Variants in IFNA16 observed in about 807,000 individuals in gnomAD.
IFNA16 encodes interferon alpha-16.
For synonymous variants in IFNA16, 122 were observed against 83.3 expected, an observed-to-expected ratio of 1.46 and a Z score of -2.53; for missense variants, 332 against 213.5, an observed-to-expected ratio of 1.55 and a Z score of -3.46.
At position 21,217,027 on chromosome 9, in the gene IFNA16, T is replaced by C. The variant is rs1285198759; in HGVS notation, c.279A>G (p.Thr93=). ...CATCCCAAGCAGCAGATGAATCCTTTGTGCTGAAGAGATTGAAGGTCTGCT... is the reference window on the plus strand; with the variant it reads ...CATCCCAAGCAGCAGATGAATCCTTCGTGCTGAAGAGATTGAAGGTCTGCT... The part of the protein sequence containing the change: ...MIQQTFNLFS[T]KDSSAAWDET... Residue 93 remains threonine, a synonymous_variant, in exon 1 of 1, where the codon ACA becomes ACG. Transcript: ENST00000380216. 3.1e-6 allele frequency: 5 copies of C among 1,613,890 alleles called. No individual in the cohort carries two copies. The highest frequency in any genetic ancestry group is 2.7e-5 in the African/African-American group (2 of 74,990).
Position 21,217,034 on chromosome 9 carries a change from A to G in IFNA16, c.272T>C (p.Phe91Ser). The G allele has an allele frequency of 6.2e-7, 1 of 1,613,824 alleles. No individual in the cohort carries two copies. Among genetic ancestry groups the G allele is most frequent in the South Asian group, 1.1e-5 (1 of 91,066 alleles). ...HEMIQQTFNL[F>S]STKDSSAAWD... The stretch of plus-strand genomic sequence containing the variant: ...AGCAGCAGATGAATCCTTTGTGCTG[A>G]AGAGATTGAAGGTCTGCTGGATCAT... Residue 91 changes from phenylalanine to serine, a missense_variant, in exon 1 of 1, where the codon TTC becomes TCC. By Grantham distance (155) the Phe-to-Ser change is radical (BLOSUM62 -2). Coordinates refer to ENST00000380216, the MANE Select transcript of IFNA16 (RefSeq NM_002173.3).
rs765566616 is a variant in IFNA16 at position 21,217,117 on chromosome 9, C to T, written c.189G>A (p.Gln63=). Residue 63 remains glutamine, a synonymous_variant, in exon 1 of 1, where the codon CAG becomes CAA. Coordinates refer to ENST00000380216, the MANE Select transcript of IFNA16 (RefSeq NM_002173.3). ...GGAACTGGTTGCCATCAAACACCTC[C>T]TGGGGGAATCCGAAATCATATCTGT... ...LKDRYDFGFP[Q]EVFDGNQFQK... 6 of 1,613,882 alleles carry T rather than the reference C, an allele frequency of 3.7e-6. No homozygotes were observed. The African/African-American group carries it at 5.3e-5, about 14-fold the overall frequency.
At position 21,217,266 on chromosome 9, in the gene IFNA16, G is replaced by C; in HGVS notation, c.40C>G (p.Leu14Val). ...SFSLLMAVLV[L>V]SYKSICSLGC... The stretch of plus-strand genomic sequence containing the variant: ...AGAGAACAGATGGATTTGTAGCTGA[G>C]CACCAGCACGGCCATCAGTAAAGAA... The change falls in exon 1 of 1, where the codon CTC becomes GTC. Residue 14 changes from leucine to valine, a missense_variant. Coordinates refer to ENST00000380216, the MANE Select transcript of IFNA16 (RefSeq NM_002173.3). The C allele has an allele frequency of 1.2e-6, 2 of 1,613,794 alleles. No individual in the cohort carries two copies. The highest frequency in any genetic ancestry group is 1.7e-6 in the Non-Finnish European group (2 of 1,179,862).
In IFNA16 at chr9:21,216,942, A is replaced by T; in HGVS notation, c.364T>A (p.Cys122Ser). 1 of 1,613,964 alleles carries T rather than the reference A, an allele frequency of 6.2e-7. No homozygotes were observed. The highest frequency in any genetic ancestry group is 8.5e-7 in the Non-Finnish European group (1 of 1,179,944). Residue 122 changes from cysteine to serine, a missense_variant, in exon 1 of 1, where the codon TGT becomes AGT. Transcript: ENST00000380216. ...LFQQLNDLEA[C>S]VTQEVGVEEI... ...TCCACCCCAACCTCCTGTGTCACAC[A>T]GGCTTCTAGGTCATTCAGTTGCTGG...
chr9:21,216,870 A>C lies in IFNA16; in HGVS notation c.436T>G (p.Tyr146Asp), dbSNP rs775275527. The C allele has an allele frequency of 9.3e-6, 15 of 1,613,838 alleles. No individual in the cohort carries two copies. Among genetic ancestry groups the C allele is most frequent in the Non-Finnish European group, 1.2e-5 (14 of 1,179,954 alleles). The change falls in exon 1 of 1, where the codon TAC becomes GAC. Residue 146 changes from tyrosine to aspartate, a missense_variant. Coordinates refer to ENST00000380216, the MANE Select transcript of IFNA16 (RefSeq NM_002173.3). ...AGATAAAGAGTGATTCTTTGAAAGT[A>C]TTTCCTCACAGCCAGGATGGAGTCC... ...NEDSILAVRKYFQRITLYLMG... is the reference protein window; with the variant it reads ...NEDSILAVRKDFQRITLYLMG...
In IFNA16 at chr9:21,216,622, A is replaced by G; in HGVS notation, c.*114T>C. 6 of 1,464,416 alleles carry G rather than the reference A, an allele frequency of 4.1e-6. No individual in the cohort carries two copies. Among genetic ancestry groups the G allele is most frequent in the Non-Finnish European group, 5.5e-6 (6 of 1,087,110 alleles). The allele number at this position is 1,464,416 out of a possible 1,614,324, so 90.7% of individuals were successfully genotyped here. On this transcript the variant is annotated 3_prime_UTR_variant, in exon 1 of 1. Coordinates refer to ENST00000380216, the MANE Select transcript of IFNA16 (RefSeq NM_002173.3). ...CTTTACACTCCTGAAAACATTTGAA[A>G]ATTTTGATTCAACTTGTGGTGGTTA...
rs555988465 is a variant in IFNA16, at chr9:21,216,762, G to T, written c.544C>A (p.Gln182Lys). The T allele has an allele frequency of 1.6e-4, 252 of 1,608,894 alleles. No homozygotes were observed. The highest frequency in any genetic ancestry group is 1.2e-3 in the Middle Eastern group (7 of 6,032). ...CAATCCTTCCTTCTTAATCCTTTTTGCAAGTTTGTTGAAAAAGAGAAGGAT... is the reference window on the plus strand; with the variant it reads ...CAATCCTTCCTTCTTAATCCTTTTTTCAAGTTTGTTGAAAAAGAGAAGGAT... ...MRSFSFSTNL[Q>K]KGLRRKD Residue 182 changes from glutamine (Q) to lysine (K), a missense_variant, in exon 1 of 1, where the codon CAA (glutamine) becomes AAA (lysine). By Grantham distance (53) the Gln-to-Lys change is moderately conservative. Coordinates refer to ENST00000380216, the MANE Select transcript of IFNA16 (RefSeq NM_002173.3).
At position 21,217,277 on chromosome 9, in the gene IFNA16, G is replaced by A. The variant is rs368468798; in HGVS notation, c.29C>T (p.Ala10Val). The A allele has an allele frequency of 1.1e-5, 17 of 1,613,110 alleles. No individual in the cohort carries two copies. The highest frequency in any genetic ancestry group is 2.2e-5 in the South Asian group (2 of 90,952). MALSFSLLM[A>V]VLVLSYKSIC... is the part of the protein sequence containing the mutation. ...GGATTTGTAGCTGAGCACCAGCACG[G>A]CCATCAGTAAAGAAAAGGACAGGGC... The change falls in exon 1 of 1, where the codon GCC (alanine) becomes GTC (valine). Residue 10 changes from alanine to valine, a missense_variant. Transcript: ENST00000380216.
At chr9:21,216,964 CT>C in the IFNA16 span, 1 of 1,613,888 alleles carries the variant, frequency 6.2e-7, no homozygotes, top group Non-Finnish European at 8.5e-7. Context: ...CATTCAGTTG[CT>C]GGAAAAGTTC....
In IFNA16 at chr9:21,216,639, T is replaced by C; in HGVS notation, c.*97A>G. 6.6e-7 allele frequency: 1 copy of C among 1,512,666 alleles called. No individual in the cohort carries two copies. Among genetic ancestry groups the C allele is most frequent in the Non-Finnish European group, 8.9e-7 (1 of 1,123,342 alleles). 93.7% of individuals were successfully genotyped at this position (1,512,666 alleles called of 1,614,324 possible). A position where few individuals can be genotyped will look rare whatever the true frequency, so the allele number is the denominator to read the frequency against. On this transcript the variant is annotated 3_prime_UTR_variant, in exon 1 of 1. Transcript: ENST00000380216. ...CATTTGAAAATTTTGATTCAACTTG[T>C]GGTGGTTATAGAAGTGAGTCTTTGA...
At position 21,216,981 on chromosome 9, in the gene IFNA16, A is replaced by G; in HGVS notation, c.325T>C (p.Tyr109His). 6.2e-7 allele frequency: 1 copy of G among 1,613,894 alleles called. No homozygotes were observed. The highest frequency in any genetic ancestry group is 8.5e-7 in the Non-Finnish European group (1 of 1,179,922). Residue 109 changes from tyrosine (Y) to histidine (H), a missense_variant, in exon 1 of 1, where the codon TAC (tyrosine) becomes CAC (histidine). Coordinates refer to ENST00000380216, the MANE Select transcript of IFNA16 (RefSeq NM_002173.3). ...AWDETLLDKF[Y>H]IELFQQLNDL... ...TTCAGTTGCTGGAAAAGTTCAATGT[A>G]GAATTTGTCTAGGAGGGTCTCATCC... is the stretch of plus-strand genomic sequence containing the variant.
rs755209331 is a variant in IFNA16 at position 21,217,028 on chromosome 9, G to C, written c.278C>G (p.Thr93Arg). 6.2e-7 allele frequency: 1 copy of C among 1,613,746 alleles called. No homozygotes were observed. The highest frequency in any genetic ancestry group is 8.5e-7 in the Non-Finnish European group (1 of 1,179,876). The change falls in exon 1 of 1, where the codon ACA becomes AGA. Residue 93 changes from threonine (T) to arginine (R), a missense_variant. Physicochemically the swap from Thr to Arg is moderately conservative, Grantham distance 71. Transcript: ENST00000380216. ...ATCCCAAGCAGCAGATGAATCCTTT[G>C]TGCTGAAGAGATTGAAGGTCTGCTG... is the stretch of plus-strand genomic sequence containing the variant. ...MIQQTFNLFS[T>R]KDSSAAWDET...
rs760036598 is a variant in IFNA16 at position 21,217,201 on chromosome 9, C to T, written c.105G>A (p.Arg35=). 2 of 1,613,868 alleles carry T rather than the reference C, an allele frequency of 1.2e-6. No individual in the cohort carries two copies. The highest frequency in any genetic ancestry group is 2.7e-5 in the African/African-American group (2 of 74,924). ...DLPQTHSLGN[R]RALILLAQMG... is the part of the protein sequence containing the mutation. ...TTTGTGCCAGGAGTATCAAGGCCCT[C>T]CTATTACCCAGGCTGTGAGTCTGAG... is the stretch of plus-strand genomic sequence containing the variant. The change falls in exon 1 of 1, where the codon AGG becomes AGA. Residue 35 remains arginine, a synonymous_variant. Coordinates refer to ENST00000380216, the MANE Select transcript of IFNA16 (RefSeq NM_002173.3).
Position 21,216,898 on chromosome 9 carries a change from A to G in IFNA16, c.408T>C (p.Asn136=), listed in dbSNP as rs368502670. Residue 136 remains asparagine, a synonymous_variant, in exon 1 of 1, where the codon AAT becomes AAC. Transcript: ENST00000380216. The stretch of plus-strand genomic sequence containing the variant: ...TCCTCACAGCCAGGATGGAGTCCTC[A>G]TTCATCAGGGCAATCTCTTCCACCC... ...EVGVEEIALM[N]EDSILAVRKY... 4 of 1,614,012 alleles carry G rather than the reference A, an allele frequency of 2.5e-6. No homozygotes were observed. The highest frequency in any genetic ancestry group is 1.3e-5 in the African/African-American group (1 of 75,016).
In IFNA16 at chr9:21,216,899, T is replaced by G. The variant is rs749863444; in HGVS notation, c.407A>C (p.Asn136Thr). The change falls in exon 1 of 1, where the codon AAT (asparagine) becomes ACT (threonine). Residue 136 changes from asparagine to threonine, a missense_variant. Asn to Thr is a moderately conservative substitution (Grantham distance 65). Coordinates refer to ENST00000380216, the MANE Select transcript of IFNA16 (RefSeq NM_002173.3). Reference sequence around the variant, plus strand: ...CCTCACAGCCAGGATGGAGTCCTCATTCATCAGGGCAATCTCTTCCACCCC... The same window carrying G: ...CCTCACAGCCAGGATGGAGTCCTCAGTCATCAGGGCAATCTCTTCCACCCC... ...EVGVEEIALMNEDSILAVRKY... is the reference protein window; with the variant it reads ...EVGVEEIALMTEDSILAVRKY... The G allele has an allele frequency of 5.0e-6, 8 of 1,613,960 alleles. No homozygotes were observed. The highest frequency in any genetic ancestry group is 6.8e-6 in the Non-Finnish European group (8 of 1,179,902).
Position 21,216,678 on chromosome 9 carries a change from A to T in IFNA16, c.*58T>A. ...GTGAGTCTTTGAAATGGAAGAACTC[A>T]TGAAAGTGTGAGATGATGTATTAAT... On this transcript the variant is annotated 3_prime_UTR_variant, in exon 1 of 1. Coordinates refer to ENST00000380216, the MANE Select transcript of IFNA16 (RefSeq NM_002173.3). 6.3e-7 allele frequency: 1 copy of T among 1,579,442 alleles called. No homozygotes were observed. The highest frequency in any genetic ancestry group is 1.4e-5 in the African/African-American group (1 of 73,034).
At position 21,216,802 on chromosome 9, in the gene IFNA16, T is replaced by C. The variant is rs148820316; in HGVS notation, c.504A>G (p.Arg168=). Residue 168 remains arginine (R), a synonymous_variant, in exon 1 of 1, where the codon AGA becomes AGG. Coordinates refer to ENST00000380216, the MANE Select transcript of IFNA16 (RefSeq NM_002173.3). ...AAGAGAAGGATCTCATGATTTCTGC[T>C]CTGACAACCTCCCAGGCACAAGGGC... ...KYSPCAWEVV[R]AEIMRSFSFS... 6.8e-6 allele frequency: 11 copies of C among 1,613,848 alleles called. No individual in the cohort carries two copies. In the South Asian group the frequency reaches 8.8e-5, roughly 13 times the overall value.
chr9:21,216,823 AG>A, the IFNA16 span: 3 of 1,613,986 alleles, frequency 1.9e-6, no homozygotes, highest in Non-Finnish European at 2.5e-6. Context: ...CCCAGGCACA[AG>A]GGCTGTATTT....
Position 21,216,949 on chromosome 9 carries a change from T to C in IFNA16, c.357A>G (p.Leu119=), listed in dbSNP as rs150373530. The C allele has an allele frequency of 1.7e-5, 27 of 1,613,984 alleles. No homozygotes were observed. Among genetic ancestry groups the C allele is most frequent in the Middle Eastern group, 1.7e-4 (1 of 6,058 alleles). Residue 119 remains leucine (L), a synonymous_variant, in exon 1 of 1, where the codon CTA becomes CTG. Transcript: ENST00000380216. The stretch of plus-strand genomic sequence containing the variant: ...CAACCTCCTGTGTCACACAGGCTTC[T>C]AGGTCATTCAGTTGCTGGAAAAGTT... The part of the protein sequence containing the change: ...YIELFQQLND[L]EACVTQEVGV...
Sources: gnomAD v4.1 joint callset for allele counts on GRCh38, gnomAD v4.1.1 for gene constraint, MANE v1.5 for transcripts, NCBI Gene and HGNC (gene_info 2026-07-23, HGNC 2026-07-21) for gene names.